ACSF3: variants seen among roughly 807,000 people sequenced by gnomAD.
ACSF3 encodes acyl-CoA synthetase family member 3.
In ACSF3, 78 loss-of-function variants were observed where a neutral mutation model predicts 53.2. The ratio of observed to expected loss-of-function variants is 1.47; its 90% CI spans 1.22 to 1.77. The LOEUF is 1.77. ACSF3 is among the 40% of genes most tolerant of loss of function. The pLI, the probability that ACSF3 is intolerant of heterozygous loss-of-function variation, is 0.00. For missense variants in ACSF3, 937 were observed against 771.1 expected, an observed-to-expected ratio of 1.22 and a Z score of -2.55; for synonymous variants, 414 against 333.1, an observed-to-expected ratio of 1.24 and a Z score of -2.65.
chr16:89,107,014 C>T (rs568086559), intron 4 of ACSF3, among the ~76,000 whole-genome samples: 4 of 152,260 alleles, frequency 2.6e-5, no homozygotes, highest in African/African-American at 9.6e-5. Context: ...CCCTGGCCGA[C>T]TTCCTCAGGA....
intron 7 of ACSF3, among the ~76,000 whole-genome samples, chr16:89,128,297 G>A (rs1415316787): frequency 3.4e-5 from 5 of 148,344 alleles, no homozygotes; most frequent in African/African-American, 7.5e-5. Flanking sequence ...TTTCGCTCTC[G>A]TTGCCCAGGC....
At position 89,101,137 on chromosome 16, in the gene ACSF3, C is replaced by T. The variant is rs147899198; in HGVS notation, c.456C>T (p.Tyr152=). The T allele has an allele frequency of 6.2e-7, 1 of 1,613,904 alleles. No homozygotes were observed. The highest frequency in any genetic ancestry group is 1.3e-5 in the African/African-American group (1 of 75,032). Residue 152 remains tyrosine (Y), a synonymous_variant, in exon 3 of 11, where the codon TAC becomes TAT. Coordinates refer to ENST00000614302, the MANE Select transcript of ACSF3 (RefSeq NM_001243279.3). ...CTGTGGTCCTTGCCAGCCAGGAGTACCTGGAGCTCCTGAGCCCGGTGGTCA... is the reference window on the plus strand; with the variant it reads ...CTGTGGTCCTTGCCAGCCAGGAGTATCTGGAGCTCCTGAGCCCGGTGGTCA... ...QSSVVLASQE[Y]LELLSPVVRK... is the part of the protein sequence containing the mutation.
chr16:89,115,497 G>T (rs1397687453), intron 6 of ACSF3, among the ~76,000 whole-genome samples: 1 of 152,238 alleles, frequency 6.6e-6, no homozygotes, highest in Non-Finnish European at 1.5e-5. Context: ...CAGAGCCCGC[G>T]CCTTTCCCTG....
chr16:89,113,942 C>G, intron 5 of ACSF3: 1 of 345,922 alleles, frequency 2.9e-6, no homozygotes, highest in East Asian at 7.6e-5. Flanking sequence ...CCGCAGCCTG[C>G]AGCGCCGTGG....
intron 7 of ACSF3, among the ~76,000 whole-genome samples, chr16:89,130,263 T>C (rs1034037335): frequency 2.0e-5 from 3 of 152,340 alleles, no homozygotes; most frequent in African/African-American, 7.2e-5. Flanking sequence ...AACTATTTTC[T>C]TTCAGCACTT....
chr16:89,105,494 G>C (rs1267992367), intron 4 of ACSF3, among the ~76,000 whole-genome samples: 1 of 152,098 alleles, frequency 6.6e-6, no homozygotes, highest in Non-Finnish European at 1.5e-5. Context: ...CCATGCCTTT[G>C]CTGTGTCTCT....
rs568661692 is a variant in ACSF3, at chr16:89,154,304, A to T, written c.*97A>T. 8.8e-7 allele frequency: 1 copy of T among 1,136,248 alleles called. No homozygotes were observed. Among genetic ancestry groups the T allele is most frequent in the African/African-American group, 1.5e-5 (1 of 65,392 alleles). 70.4% of individuals were successfully genotyped at this position (1,136,248 alleles called of 1,614,324 possible). On this transcript the variant is annotated 3_prime_UTR_variant, in exon 11 of 11. Coordinates refer to ENST00000614302, the MANE Select transcript of ACSF3 (RefSeq NM_001243279.3). ...CCGTCCAAGACCTGGCCTCCCTTAA[A>T]CCTGAACCCCCCAAATCAGGTCACG...
chr16:89,146,426 G>T (rs964990447), intron 10 of ACSF3, among the ~76,000 whole-genome samples: 1 of 152,136 alleles, frequency 6.6e-6, no homozygotes, highest in East Asian at 1.9e-4. Context: ...GGCCGCACGC[G>T]CTGGGCCCTT....
At chr16:89,125,055 C>T (rs1907710106) in intron 7 of ACSF3, among the ~76,000 whole-genome samples, 1 of 152,142 alleles carries the variant, frequency 6.6e-6, no homozygotes, top group African/African-American at 2.4e-5. Flanking sequence ...TTAGAATTAG[C>T]TTGTCTAGCC....
chr16:89,103,163 T>C (rs920103009), intron 4 of ACSF3, among the ~76,000 whole-genome samples: 12 of 152,360 alleles, frequency 7.9e-5, no homozygotes, highest in Admixed American at 7.8e-4. Flanking sequence ...GAGACTGCAG[T>C]GGGCCACGCG....
intron 3 of ACSF3, among the ~76,000 whole-genome samples, chr16:89,101,809 C>G (rs889434784): frequency 2.0e-5 from 3 of 152,220 alleles, no homozygotes; most frequent in Admixed American, 6.5e-5. Flanking sequence ...CATAACGTCT[C>G]CTATGCACTT....
intron 7 of ACSF3, among the ~76,000 whole-genome samples, chr16:89,126,169 A>G (rs973885360): frequency 1.3e-5 from 2 of 152,210 alleles, no homozygotes; most frequent in East Asian, 1.9e-4. Flanking sequence ...TGTTAAATTT[A>G]TAAGTAAATG....
At chr16:89,111,635 A>G (rs924561823) in intron 4 of ACSF3, among the ~76,000 whole-genome samples, 2 of 152,258 alleles carry the variant, frequency 1.3e-5, no homozygotes, top group Non-Finnish European at 2.9e-5. Context: ...TAAGCAAGAA[A>G]TGTTTATTAT....
chr16:89,156,029 G>A lies in ACSF3; in HGVS notation c.*1822G>A, dbSNP rs1440073886. Among the ~76,000 whole-genome samples the A allele has an allele frequency of 6.6e-6, 1 of 152,208 alleles. No homozygotes were observed. Among genetic ancestry groups the A allele is most frequent in the Non-Finnish European group, 1.5e-5 (1 of 68,036 alleles). Reference sequence around the variant, plus strand: ...GGTTGACCAGAATACGGTGCTCCAAGGACATGCGGTTGAATGCCGTGTTCT... The same window carrying A: ...GGTTGACCAGAATACGGTGCTCCAAAGACATGCGGTTGAATGCCGTGTTCT... On this transcript the variant is annotated 3_prime_UTR_variant, in exon 11 of 11. Coordinates refer to ENST00000614302, the MANE Select transcript of ACSF3 (RefSeq NM_001243279.3).
intron 7 of ACSF3, among the ~76,000 whole-genome samples, chr16:89,121,684 C>G (rs1906689449): frequency 6.6e-6 from 1 of 152,210 alleles, no homozygotes; most frequent in African/African-American, 2.4e-5. Context: ...GATCCTGAGT[C>G]TCATCTCTGT....
chr16:89,120,717 G>A, intron 6 of ACSF3, 84 bp from the exon 7 acceptor site: 1 of 1,354,176 alleles, frequency 7.4e-7, no homozygotes, highest in Non-Finnish European at 1.1e-6. Context: ...CGGGAGCTCA[G>A]CGGGATCCGA....
chr16:89,129,096 C>G (rs979323749), intron 7 of ACSF3, among the ~76,000 whole-genome samples: 1 of 152,206 alleles, frequency 6.6e-6, no homozygotes, highest in African/African-American at 2.4e-5. Flanking sequence ...GATGCCACCG[C>G]ACTCCAGCCT....
intron 5 of ACSF3, 91 bp from the exon 6 acceptor site, chr16:89,114,248 A>G (rs1904627794): frequency 2.5e-6 from 4 of 1,580,166 alleles, no homozygotes; most frequent in East Asian, 2.3e-5. Flanking sequence ...TTTGCAAGCA[A>G]GGGCCGCCTC....
chr16:89,141,119 C>CGCA, intron 8 of ACSF3: 1 of 1,287,234 alleles, frequency 7.8e-7, no homozygotes, highest in Non-Finnish European at 1.0e-6. Flanking sequence ...CCCTCGCTGC[C>CGCA]GCAGGACCTC....
Sources: allele counts gnomAD v4.1 joint callset (sites outside exome capture counted in the v4.1 genomes callset), GRCh38; gene constraint gnomAD v4.1.1; transcripts MANE v1.5; gene names NCBI Gene and HGNC (gene_info 2026-07-23, HGNC 2026-07-21).